Variants in EXOC6B observed in about 807,000 individuals in gnomAD.
The protein encoded by EXOC6B is SEC15 homolog B.
Under a neutral mutation model 113.5 loss-of-function variants are expected in EXOC6B, and 54 were observed. That is an observed-to-expected ratio of 0.48 (90% CI 0.38 to 0.60). The LOEUF (loss-of-function observed/expected upper bound fraction) is 0.60. Among genes scored for constraint, EXOC6B ranks in the 20% least tolerant of loss-of-function variants. The probability of loss-of-function intolerance (pLI) is 0.00; values close to 1 mark genes in which losing one functional copy is unlikely to be tolerated. For synonymous variants in EXOC6B, 357 were observed against 339.0 expected (o/e 1.05, Z -0.58); for missense variants, 797 against 977.5 (o/e 0.82, Z 2.46).
chr2:72,301,463 A>C (rs1288776212), intron 20 of EXOC6B, among the ~76,000 whole-genome samples: 1 of 152,152 alleles, frequency 6.6e-6, no homozygotes, highest in Non-Finnish European at 1.5e-5. Flanking sequence ...TTTGGCTGTG[A>C]ATCCATCTAG....
chr2:72,314,095 A>G (rs1367774255), intron 20 of EXOC6B, among the ~76,000 whole-genome samples: 3 of 152,148 alleles, frequency 2.0e-5, no homozygotes, highest in Non-Finnish European at 4.4e-5. Context: ...CTCGGAATAT[A>G]CTACTGAATT....
chr2:72,203,460 G>C (rs1679620917), intron 20 of EXOC6B, among the ~76,000 whole-genome samples: 1 of 152,120 alleles, frequency 6.6e-6, no homozygotes, highest in African/African-American at 2.4e-5. Flanking sequence ...TCTATTTGCT[G>C]GTCACAGAGT....
At chr2:72,398,634 T>C (rs911039882) in intron 18 of EXOC6B, among the ~76,000 whole-genome samples, 1 of 146,286 alleles carries the variant, frequency 6.8e-6, no homozygotes, top group Non-Finnish European at 1.5e-5. Context: ...GAGGCAGAGG[T>C]GGCAGTGAGC....
intron 20 of EXOC6B, among the ~76,000 whole-genome samples, chr2:72,321,737 G>T (rs904314677): frequency 6.6e-6 from 1 of 152,138 alleles, no homozygotes; most frequent in African/African-American, 2.4e-5. Context: ...ACAGTAGAGG[G>T]CGAAGAGTCA....
chr2:72,635,326 C>A (rs1672741257), intron 6 of EXOC6B, among the ~76,000 whole-genome samples: 1 of 151,412 alleles, frequency 6.6e-6, no homozygotes, highest in African/African-American at 2.4e-5. Context: ...ACAAGACTGA[C>A]AATGAAAAAA....
intron 20 of EXOC6B, among the ~76,000 whole-genome samples, chr2:72,236,200 G>C (rs1002464606): frequency 6.6e-6 from 1 of 152,176 alleles, no homozygotes; most frequent in African/African-American, 2.4e-5. Context: ...AATCCCTTCA[G>C]TAACAGTGGT....
chr2:72,611,362 A>G (rs557560890), intron 6 of EXOC6B, among the ~76,000 whole-genome samples: 3 of 152,096 alleles, frequency 2.0e-5, no homozygotes, highest in African/African-American at 7.2e-5. Context: ...TCTCAAAAAA[A>G]AAAACAAAAA....
intron 20 of EXOC6B, among the ~76,000 whole-genome samples, chr2:72,316,821 G>T (rs1382882445): frequency 6.6e-6 from 1 of 152,176 alleles, no homozygotes; most frequent in East Asian, 1.9e-4. Context: ...GGGACCCAAA[G>T]GGGGGACAAT....
At chr2:72,699,424 G>A (rs1165152980) in intron 6 of EXOC6B, among the ~76,000 whole-genome samples, 1 of 150,692 alleles carries the variant, frequency 6.6e-6, no homozygotes, top group Admixed American at 6.7e-5. Context: ...GTTGCAGTGA[G>A]CCAAGATCGC....
At chr2:72,194,595 C>CTG (rs1199546257) in intron 20 of EXOC6B, among the ~76,000 whole-genome samples, 7 of 151,762 alleles carry the variant, frequency 4.6e-5, no homozygotes, top group South Asian at 2.1e-4. Flanking sequence ...CTCTCTCTCT[C>CTG]TCTGTGTGTG....
intron 6 of EXOC6B, among the ~76,000 whole-genome samples, chr2:72,697,072 G>A (rs937594936): frequency 2.6e-5 from 4 of 151,106 alleles, no homozygotes; most frequent in Non-Finnish European, 4.4e-5. Context: ...ACTAGCTAAT[G>A]AGAGTAGTAC....
intron 16 of EXOC6B, among the ~76,000 whole-genome samples, chr2:72,488,111 G>C (rs1360422517): frequency 6.6e-6 from 1 of 152,130 alleles, no homozygotes; most frequent in Non-Finnish European, 1.5e-5. Flanking sequence ...ATTCCAAATT[G>C]CTAAATCCAA....
chr2:72,396,424 T>A lies in EXOC6B; in HGVS notation c.1981-16554A>T, dbSNP rs141197531. ...TAAAATAAATATCCACTGAAAAAAA[T>A]TTGCCTGGCTAACAGCCCCTCAATT... On this transcript the variant is annotated intron_variant, in intron 18 of 21. Coordinates refer to ENST00000272427, the MANE Select transcript of EXOC6B (RefSeq NM_015189.3). Among the ~76,000 whole-genome samples the A allele has an allele frequency of 8.2e-3, 1,241 of 152,140 alleles. 27 individuals are homozygous for A. Among genetic ancestry groups the A allele is most frequent in the African/African-American group, 0.028 (1,166 of 41,514 alleles).
intron 18 of EXOC6B, chr2:72,464,271 G>GA: frequency 6.6e-6 from 1 of 152,134 alleles, no homozygotes; most frequent in Non-Finnish European, 1.5e-5. Flanking sequence ...ATTCTAAAAC[G>GA]AAAGAGTACA....
chr2:72,587,433 GA>G (rs2103907373), intron 6 of EXOC6B, among the ~76,000 whole-genome samples: 1 of 152,206 alleles, frequency 6.6e-6, no homozygotes, highest in African/African-American at 2.4e-5. Flanking sequence ...GGAGAGAAAG[GA>G]AAGAAAAGGG....
chr2:72,693,919 A>G (rs1677682642), intron 6 of EXOC6B, among the ~76,000 whole-genome samples: 1 of 151,680 alleles, frequency 6.6e-6, no homozygotes, highest in African/African-American at 2.4e-5. Context: ...AAAAAAATAT[A>G]TCCAAATCCC....
intron 18 of EXOC6B, chr2:72,462,864 T>G (rs1389247728): frequency 6.6e-6 from 1 of 152,154 alleles, no homozygotes; most frequent in Non-Finnish European, 1.5e-5. Flanking sequence ...CAATTCCTGT[T>G]GTCAATGAAA....
At chr2:72,401,529 A>ACG (rs1693195861) in intron 18 of EXOC6B, among the ~76,000 whole-genome samples, 1 of 20,508 alleles carries the variant, frequency 4.9e-5, no homozygotes, top group African/African-American at 8.6e-4. Context: ...ATATACATAT[A>ACG]TATATATATA....
chr2:72,663,473 G>T (rs190071495), intron 6 of EXOC6B, among the ~76,000 whole-genome samples: 1 of 152,324 alleles, frequency 6.6e-6, no homozygotes, highest in African/African-American at 2.4e-5. Context: ...GAAGAAGCTT[G>T]AAAATTACAA....
Sources: allele counts gnomAD v4.1 joint callset (sites outside exome capture counted in the v4.1 genomes callset), GRCh38; gene constraint gnomAD v4.1.1; transcripts MANE v1.5; gene names NCBI Gene and HGNC (gene_info 2026-07-23, HGNC 2026-07-21).